GPATCH1: variants seen among roughly 807,000 people sequenced by gnomAD.
GPATCH1 encodes G-patch domain containing 1.
A neutral mutation model predicts 114.9 loss-of-function variants in GPATCH1; 73 were observed. That is an observed-to-expected ratio of 0.64 (90% CI 0.53 to 0.77). The LOEUF is 0.77. Ranked by LOEUF, GPATCH1 falls within the 30% of genes least tolerant of loss-of-function variation. GPATCH1 has a pLI of 0.00. For synonymous variants in GPATCH1, 391 were observed against 428.4 expected (o/e 0.91, Z 1.08); for missense variants, 1,058 against 1,144.3 (o/e 0.92, Z 1.09).
chr19:33,088,179 G>A lies in GPATCH1; in HGVS notation c.119G>A (p.Arg40Lys). The change falls in exon 2 of 20, where the codon AGA becomes AAA. Residue 40 changes from arginine to lysine, a missense_variant. Arg to Lys is a conservative substitution (Grantham distance 26). Around this residue, in one of 3 missense-constraint regions of GPATCH1, gnomAD observed 131 missense variants for 107.2 expected, o/e 1.22. Transcript: ENST00000170564. ...KPIPLQDQTV[R>K]DEKGRYKRFH... Reference sequence around the variant, plus strand: ...ATCCCTCTTCAGGATCAGACTGTCAGAGATGAAAAAGGAAGGTATAAACGA... The same window carrying A: ...ATCCCTCTTCAGGATCAGACTGTCAAAGATGAAAAAGGAAGGTATAAACGA... 1 of 1,592,068 alleles carries A rather than the reference G, an allele frequency of 6.3e-7. No homozygotes were observed. Among genetic ancestry groups the A allele is most frequent in the Non-Finnish European group, 8.6e-7 (1 of 1,165,584 alleles).
intron 8 of GPATCH1, 86 bp from the exon 9 acceptor site, chr19:33,101,409 A>C: frequency 1.3e-6 from 1 of 772,814 alleles, no homozygotes; most frequent in Non-Finnish European, 2.3e-6. Context: ...TTATGTTCTT[A>C]GAGATAAGAA....
intron 10 of GPATCH1, among the ~76,000 whole-genome samples, chr19:33,107,996 C>T (rs1189319087): frequency 7.9e-5 from 12 of 152,168 alleles, no homozygotes; most frequent in South Asian, 2.1e-4. Flanking sequence ...GCTATCCCTC[C>T]CCGCTTCCCC....
At chr19:33,124,687 G>A (rs1327751229) in intron 17 of GPATCH1, among the ~76,000 whole-genome samples, 1 of 152,152 alleles carries the variant, frequency 6.6e-6, no homozygotes, top group Non-Finnish European at 1.5e-5. Context: ...TATAGTTGGG[G>A]AAACTGGGCG....
At chr19:33,082,050 G>T (rs1485802776) in intron 1 of GPATCH1, among the ~76,000 whole-genome samples, 1 of 148,272 alleles carries the variant, frequency 6.7e-6, no homozygotes, top group Non-Finnish European at 1.5e-5. Context: ...GAATACACTG[G>T]TTGGGGATGG....
intron 18 of GPATCH1, 115 bp from the exon 19 acceptor site, chr19:33,126,473 G>A (rs1417385003): frequency 5.4e-6 from 8 of 1,488,022 alleles, no homozygotes; most frequent in Admixed American, 4.7e-5. Context: ...TCTAAATGAG[G>A]TTTAAACATT....
Position 33,097,920 on chromosome 19 carries a change from A to G in GPATCH1, c.1000+18A>G. ...CCAGAAAGGTAATTCGACAGCCACA[A>G]ACCTAATGGCAGGACCAAGTGTCAG... On this transcript the variant is annotated intron_variant, in intron 8 of 19. Transcript: ENST00000170564. The G allele has an allele frequency of 6.2e-7, 1 of 1,612,702 alleles. No homozygotes were observed. The highest frequency in any genetic ancestry group is 8.5e-7 in the Non-Finnish European group (1 of 1,179,044).
intron 15 of GPATCH1, among the ~76,000 whole-genome samples, chr19:33,115,256 T>C (rs1344179641): frequency 1.6e-4 from 16 of 100,488 alleles, no homozygotes; most frequent in East Asian, 6.7e-4. Context: ...TTTTTTTTTT[T>C]CAGAGAAAGG....
Position 33,119,132 on chromosome 19 carries a change from C to T in GPATCH1, c.2521+15C>T, listed in dbSNP as rs753534640. On this transcript the variant is annotated intron_variant, in intron 17 of 19. Transcript: ENST00000170564. ...CTTCTGCCCCAGTGAGTGCAGAGCC[C>T]TTTGGTTCGCCCATTTTTATCAGTG... The T allele has an allele frequency of 2.0e-6, 3 of 1,472,834 alleles. No homozygotes were observed. The highest frequency in any genetic ancestry group is 1.2e-5 in the South Asian group (1 of 85,372). 91.2% of individuals were successfully genotyped at this position (1,472,834 alleles called of 1,614,324 possible).
Position 33,130,443 on chromosome 19 carries a change from T to C in GPATCH1, c.*283T>C, listed in dbSNP as rs1973093253. On this transcript the variant is annotated 3_prime_UTR_variant, in exon 20 of 20. Transcript: ENST00000170564. ...GATTTTTAAAAAATTTCCTGGGACG[T>C]TAAAAAAGAAGTTAAAAGTGAAGGC... 4 of 327,008 alleles carry C rather than the reference T, an allele frequency of 1.2e-5. No individual in the cohort carries two copies. Among genetic ancestry groups the C allele is most frequent in the Non-Finnish European group, 1.1e-5 (2 of 182,908 alleles). 20.3% of individuals were successfully genotyped at this position (327,008 alleles called of 1,614,324 possible).
intron 15 of GPATCH1, among the ~76,000 whole-genome samples, chr19:33,117,414 G>T (rs1007278838): frequency 2.6e-5 from 4 of 152,008 alleles, no homozygotes; most frequent in Non-Finnish European, 4.4e-5. Flanking sequence ...TGCATTTTTG[G>T]GGATCCTAGT....
chr19:33,102,893 T>G (rs184857597), intron 9 of GPATCH1, among the ~76,000 whole-genome samples: 53 of 152,326 alleles, frequency 3.5e-4, no homozygotes, highest in Non-Finnish European at 1.6e-4. Flanking sequence ...TTCCCTGGCC[T>G]CCTCAGCTGG....
intron 18 of GPATCH1, among the ~76,000 whole-genome samples, 199 bp downstream of exon 18, chr19:33,125,401 CG>C (rs1426336291): frequency 6.6e-6 from 1 of 151,112 alleles, no homozygotes; most frequent in Non-Finnish European, 1.5e-5. Flanking sequence ...AACGCCCCCC[CG>C]CTTTTTTTTT....
chr19:33,121,296 G>GTCTTTT (rs1208291734), intron 17 of GPATCH1, among the ~76,000 whole-genome samples: 19 of 136,896 alleles, frequency 1.4e-4, no homozygotes, highest in Non-Finnish European at 1.6e-4. Context: ...TCCTTTTTTT[G>GTCTTTT]TCTTTTTCTT....
chr19:33,096,881 G>A (rs1972666354), intron 7 of GPATCH1, among the ~76,000 whole-genome samples: 2 of 151,920 alleles, frequency 1.3e-5, no homozygotes, highest in South Asian at 2.1e-4. Context: ...CACCTGCCTC[G>A]GCCTCCCAAA....
At chr19:33,125,551 A>G (rs762878503) in intron 18 of GPATCH1, among the ~76,000 whole-genome samples, 1 of 151,676 alleles carries the variant, frequency 6.6e-6, no homozygotes, top group Non-Finnish European at 1.5e-5. Flanking sequence ...CACCCGGCTA[A>G]TTTTTTGTAT....
intron 1 of GPATCH1, among the ~76,000 whole-genome samples, chr19:33,087,497 A>C (rs1972544975): frequency 6.6e-6 from 1 of 152,096 alleles, no homozygotes; most frequent in African/African-American, 2.4e-5. Context: ...GAAATTAAGG[A>C]AACTCTTAGG....
At chr19:33,106,168 A>AT (rs77836812) in intron 9 of GPATCH1, among the ~76,000 whole-genome samples, 9 of 150,408 alleles carry the variant, frequency 6.0e-5, no homozygotes, top group African/African-American at 2.2e-4. Flanking sequence ...ATTTAAAAAA[A>AT]TTTTTTTTTT....
At chr19:33,093,996 C>A (rs1383958549) in intron 4 of GPATCH1, among the ~76,000 whole-genome samples, 176 bp from the exon 5 acceptor site, 1 of 152,128 alleles carries the variant, frequency 6.6e-6, no homozygotes, top group Non-Finnish European at 1.5e-5. Context: ...AGGTGTGCAC[C>A]CCAGTGCAGC....
chr19:33,081,368 T>C (rs372072894), intron 1 of GPATCH1, 102 bp downstream of exon 1: 16 of 779,676 alleles, frequency 2.1e-5, no homozygotes, highest in Middle Eastern at 2.8e-4. Flanking sequence ...GTTAGATCGT[T>C]CCCAGCGCTG....
Sources: gnomAD v4.1 joint callset for allele counts (sites outside exome capture counted in the v4.1 genomes callset) on GRCh38, gnomAD v4.1.1 for gene constraint, gnomAD v4.1.1 regional missense constraint, MANE v1.5 for transcripts, NCBI Gene and HGNC (gene_info 2026-07-23, HGNC 2026-07-21) for gene names.